Variants in LRP1B observed in about 807,000 individuals in gnomAD.
The protein encoded by LRP1B is low-density lipoprotein receptor-related protein 1B.
In LRP1B, 217 loss-of-function variants were observed where a neutral mutation model predicts 556.6. The observed-to-expected ratio is 0.39, with a 90% CI of 0.35 to 0.44. The LOEUF (loss-of-function observed/expected upper bound fraction) is 0.44, where lower values mean the gene tolerates loss of function less well. Among genes scored for constraint, LRP1B ranks in the 20% least tolerant of loss-of-function variants. The pLI, the probability that LRP1B is intolerant of heterozygous loss-of-function variation, is 1.00. For synonymous variants in LRP1B, 2,047 were observed against 1,865.8 expected, an observed-to-expected ratio of 1.10 and a Z score of -2.50; for missense variants, 5,053 against 5,620.8, an observed-to-expected ratio of 0.90 and a Z score of 3.23.
At chr2:141,927,441 G>A (rs2104986907) in intron 1 of LRP1B, among the ~76,000 whole-genome samples, 1 of 152,004 alleles carries the variant, frequency 6.6e-6, no homozygotes, top group South Asian at 2.1e-4. Context: ...TGACTTTTTA[G>A]AGCAAAACAT....
Position 141,137,683 on chromosome 2 carries a change from T to A in LRP1B, c.1013+50738A>T, listed in dbSNP as rs1701524431. Among the ~76,000 whole-genome samples the A allele has an allele frequency of 2.0e-5, 3 of 151,902 alleles. No individual in the cohort carries two copies. In the Admixed American group the frequency reaches 2.0e-4, roughly 10 times the overall value. On this transcript the variant is annotated intron_variant, in intron 7 of 90. Coordinates refer to ENST00000389484, the MANE Select transcript of LRP1B (RefSeq NM_018557.3). ...GTCTTGGTCCTCCAGCATTTAAAAA[T>A]ATATGTCACACATGCAATAATGATA... is the stretch of plus-strand genomic sequence containing the variant.
chr2:140,714,005 T>C (rs557007663), intron 37 of LRP1B, among the ~76,000 whole-genome samples: 1 of 152,274 alleles, frequency 6.6e-6, no homozygotes, highest in African/African-American at 2.4e-5. Flanking sequence ...GGATATGAGC[T>C]TTAAATTTGA....
intron 15 of LRP1B, among the ~76,000 whole-genome samples, 164 bp from the exon 16 acceptor site, chr2:140,994,299 C>T (rs959330612): frequency 6.6e-6 from 1 of 151,770 alleles, no homozygotes; most frequent in Non-Finnish European, 1.5e-5. Context: ...CAATGTCATC[C>T]AGGTTCATCC....
intron 1 of LRP1B, among the ~76,000 whole-genome samples, chr2:142,023,284 C>T (rs1292007777): frequency 2.0e-5 from 3 of 152,178 alleles, no homozygotes; most frequent in Admixed American, 2.0e-4. Flanking sequence ...CAATGCCCCA[C>T]CTTGGTCTAT....
chr2:141,943,640 T>A (rs1380233620), intron 1 of LRP1B, among the ~76,000 whole-genome samples: 4 of 152,162 alleles, frequency 2.6e-5, no homozygotes, highest in Non-Finnish European at 5.9e-5. Context: ...TGAAAATCAC[T>A]AGAGGAAAAA....
chr2:140,591,423 C>T (rs1257130226), intron 43 of LRP1B, among the ~76,000 whole-genome samples: 2 of 152,194 alleles, frequency 1.3e-5, no homozygotes, highest in Admixed American at 6.5e-5. Flanking sequence ...GACCCAACAT[C>T]CCATGTATTT....
At chr2:140,474,834 T>C (rs1481806691) in intron 60 of LRP1B, among the ~76,000 whole-genome samples, 1 of 151,882 alleles carries the variant, frequency 6.6e-6, no homozygotes. Context: ...CAAATAACCT[T>C]CTATTTCAAT....
At chr2:141,134,648 C>A (rs1701445028) in intron 7 of LRP1B, among the ~76,000 whole-genome samples, 1 of 150,482 alleles carries the variant, frequency 6.6e-6, no homozygotes, top group African/African-American at 2.4e-5. Context: ...GTACATAGTA[C>A]ATTGCCAACA....
chr2:140,526,142 AT>A, intron 48 of LRP1B, 94 bp downstream of exon 48: 1 of 1,396,438 alleles, frequency 7.2e-7, no homozygotes. Context: ...TTACATACCA[AT>A]TTTGGACAAA....
chr2:140,988,551 C>T (rs544291979), intron 17 of LRP1B, among the ~76,000 whole-genome samples: 157 of 151,742 alleles, frequency 1.0e-3, no homozygotes, highest in Non-Finnish European at 1.9e-3. Flanking sequence ...ATACTCTTAC[C>T]GTGCTGGAAA....
chr2:141,276,169 A>T (rs986213391), intron 3 of LRP1B, among the ~76,000 whole-genome samples: 3 of 152,174 alleles, frequency 2.0e-5, no homozygotes, highest in Non-Finnish European at 4.4e-5. Context: ...TCCACTTTCC[A>T]AAACACTTGT....
chr2:141,918,522 G>T (rs543935632), intron 1 of LRP1B, among the ~76,000 whole-genome samples: 1 of 152,086 alleles, frequency 6.6e-6, no homozygotes, highest in South Asian at 2.1e-4. Context: ...TCAAATGTTT[G>T]GGAGCTGCTA....
chr2:141,820,461 T>C (rs572104720), intron 1 of LRP1B, among the ~76,000 whole-genome samples: 8 of 152,170 alleles, frequency 5.3e-5, no homozygotes, highest in African/African-American at 1.7e-4. Flanking sequence ...TATTGAAAAA[T>C]AAACCCTATT....
intron 41 of LRP1B, among the ~76,000 whole-genome samples, chr2:140,648,468 G>A (rs961220249): frequency 1.3e-5 from 2 of 151,854 alleles, no homozygotes; most frequent in African/African-American, 4.8e-5. Context: ...TCTAAGTGTC[G>A]TTAATGAAAT....
At chr2:142,052,534 T>C (rs1419306850) in intron 1 of LRP1B, among the ~76,000 whole-genome samples, 1 of 152,258 alleles carries the variant, frequency 6.6e-6, no homozygotes, top group Admixed American at 6.5e-5. Flanking sequence ...TCTTACTTAA[T>C]ATGTCATGTG....
chr2:142,050,549 A>G (rs1352326735), intron 1 of LRP1B, among the ~76,000 whole-genome samples: 1 of 152,184 alleles, frequency 6.6e-6, no homozygotes, highest in Non-Finnish European at 1.5e-5. Context: ...TTGTTATTAA[A>G]AAATCCCTCT....
chr2:141,784,993 T>C (rs578182789), intron 2 of LRP1B, among the ~76,000 whole-genome samples: 1 of 152,018 alleles, frequency 6.6e-6, no homozygotes, highest in Non-Finnish European at 1.5e-5. Flanking sequence ...AGAGATCAAA[T>C]AGGTGAGGAG....
chr2:140,849,019 G>C (rs991162370), intron 29 of LRP1B, among the ~76,000 whole-genome samples: 68 of 151,906 alleles, frequency 4.5e-4, no homozygotes, highest in African/African-American at 1.6e-3. Flanking sequence ...TGTTAGTCTA[G>C]GTCTGTAAAA....
At chr2:140,589,578 G>A (rs1199099404) in intron 43 of LRP1B, among the ~76,000 whole-genome samples, 1 of 152,062 alleles carries the variant, frequency 6.6e-6, no homozygotes, top group East Asian at 1.9e-4. Context: ...AAGATACTGT[G>A]GCTTATTCAT....
Sources: gnomAD v4.1 joint callset for allele counts (sites outside exome capture counted in the v4.1 genomes callset) on GRCh38, gnomAD v4.1.1 for gene constraint, MANE v1.5 for transcripts, NCBI Gene and HGNC (gene_info 2026-07-23, HGNC 2026-07-21) for gene names.